Variants in CFAP221 observed in about 807,000 individuals in gnomAD.
The protein encoded by CFAP221 is cilia- and flagella-associated protein 221.
In CFAP221, 97 loss-of-function variants were observed where a neutral mutation model predicts 113.1. The observed-to-expected ratio is 0.86, with a 90% CI of 0.73 to 1.02. The LOEUF (loss-of-function observed/expected upper bound fraction) is 1.02. CFAP221 is among the 50% of genes least tolerant of loss of function. CFAP221 has a pLI of 0.00. For missense variants in CFAP221, 1,025 were observed against 1,013.4 expected, an observed-to-expected ratio of 1.01 and a Z score of -0.16; for synonymous variants, 331 against 354.4, an observed-to-expected ratio of 0.93 and a Z score of 0.74.
chr2:119,617,711 C>A (rs1190511469), intron 14 of CFAP221, among the ~76,000 whole-genome samples: 1 of 152,238 alleles, frequency 6.6e-6, no homozygotes, highest in East Asian at 1.9e-4. Flanking sequence ...GCCACAGGTT[C>A]CCCTACATCC....
intron 14 of CFAP221, among the ~76,000 whole-genome samples, chr2:119,619,966 C>T (rs1239351191): frequency 6.6e-6 from 1 of 151,862 alleles, no homozygotes; most frequent in Admixed American, 6.6e-5. Flanking sequence ...AGAGCCAAAT[C>T]GATCAAGTGG....
At chr2:119,611,783 C>T in intron 13 of CFAP221, 41 bp downstream of exon 13, 3 of 1,431,072 alleles carry the variant, frequency 2.1e-6, no homozygotes, top group Non-Finnish European at 2.9e-6. Context: ...TTATTGGCAG[C>T]TCTTTAAATG....
At chr2:119,551,953 C>T (rs1289254335) in intron 3 of CFAP221, among the ~76,000 whole-genome samples, 2 of 152,100 alleles carry the variant, frequency 1.3e-5, no homozygotes, top group African/African-American at 2.4e-5. Flanking sequence ...AAGAGGAGGG[C>T]TCACCTTCCT....
intron 6 of CFAP221, among the ~76,000 whole-genome samples, chr2:119,573,719 C>T (rs184219902): frequency 9.4e-4 from 143 of 152,202 alleles, no homozygotes; most frequent in Admixed American, 1.8e-3. Context: ...TTTTAAAAAG[C>T]CTAAATGTTT....
At chr2:119,608,769 T>G (rs1193001767) in intron 12 of CFAP221, among the ~76,000 whole-genome samples, 180 bp downstream of exon 12, 1 of 152,200 alleles carries the variant, frequency 6.6e-6, no homozygotes, top group Non-Finnish European at 1.5e-5. Flanking sequence ...AGACCTATAC[T>G]AAGTTTTGTG....
chr2:119,560,669 A>G (rs1229084029), intron 5 of CFAP221, among the ~76,000 whole-genome samples: 3 of 152,170 alleles, frequency 2.0e-5, no homozygotes, highest in Admixed American at 1.3e-4. Flanking sequence ...TTGATGTTTC[A>G]AAACCAAAAC....
rs573472455 is a variant in CFAP221 at position 119,624,519 on chromosome 2, G to A, written c.1411-1064G>A. 6.6e-5 allele frequency among the ~76,000 whole-genome samples: 10 copies of A among 152,186 alleles called. No individual in the cohort carries two copies. The South Asian group carries it at 2.1e-3, about 32-fold the overall frequency. ...GTTTGACCCAGCAGTCCCATTACTG[G>A]GTATATACCCAAAAGATTATAAATC... On this transcript the variant is annotated intron_variant, in intron 14 of 23. Coordinates refer to ENST00000413369, the MANE Select transcript of CFAP221 (RefSeq NM_001271049.2).
chr2:119,632,879 A>G (rs1488685010), intron 19 of CFAP221, among the ~76,000 whole-genome samples: 1 of 152,154 alleles, frequency 6.6e-6, no homozygotes, highest in African/African-American at 2.4e-5. Context: ...CAAAAGCCAT[A>G]TCATTTAACA....
intron 15 of CFAP221, among the ~76,000 whole-genome samples, chr2:119,626,524 G>A (rs1395699119): frequency 1.3e-5 from 2 of 151,934 alleles, no homozygotes; most frequent in South Asian, 2.1e-4. Context: ...CAGAGACTAG[G>A]GTAGTCATCA....
At chr2:119,635,130 C>T (rs948366886) in intron 19 of CFAP221, among the ~76,000 whole-genome samples, 1 of 152,264 alleles carries the variant, frequency 6.6e-6, no homozygotes, top group Non-Finnish European at 1.5e-5. Flanking sequence ...CAGAATAATA[C>T]ATCATTAACA....
At chr2:119,637,459 T>C (rs1343532105) in intron 19 of CFAP221, among the ~76,000 whole-genome samples, 1 of 152,146 alleles carries the variant, frequency 6.6e-6, no homozygotes, top group Non-Finnish European at 1.5e-5. Context: ...ATAAGCTAAG[T>C]GGTTTTGTGG....
intron 8 of CFAP221, 107 bp downstream of exon 8, chr2:119,601,484 T>G: frequency 2.8e-6 from 3 of 1,067,616 alleles, no homozygotes; most frequent in Non-Finnish European, 3.8e-6. Flanking sequence ...CATCAAAAAC[T>G]TATTTAAAAT....
At chr2:119,598,128 A>G (rs1219386929) in intron 7 of CFAP221, among the ~76,000 whole-genome samples, 1 of 152,188 alleles carries the variant, frequency 6.6e-6, no homozygotes, top group African/African-American at 2.4e-5. Context: ...ATCTTTGAAG[A>G]AAAAATTATT....
chr2:119,658,812 C>T (rs1388511544), downstream of CFAP221, among the ~76,000 whole-genome samples: 1 of 151,936 alleles, frequency 6.6e-6, no homozygotes, highest in East Asian at 1.9e-4. Context: ...AAAACCTCAT[C>T]TCTACTAAAA....
At chr2:119,608,270 G>T (rs1684909262) in intron 11 of CFAP221, among the ~76,000 whole-genome samples, 1 of 152,170 alleles carries the variant, frequency 6.6e-6, no homozygotes, top group African/African-American at 2.4e-5. Flanking sequence ...AGAAGGTTGA[G>T]CATCCAGATG....
At chr2:119,582,111 A>G (rs886066446) in intron 6 of CFAP221, among the ~76,000 whole-genome samples, 1 of 152,228 alleles carries the variant, frequency 6.6e-6, no homozygotes, top group African/African-American at 2.4e-5. Flanking sequence ...AAATAAGTTT[A>G]TTTACGTAAG....
chr2:119,599,042 A>G (rs988402707), intron 7 of CFAP221, among the ~76,000 whole-genome samples: 2 of 152,182 alleles, frequency 1.3e-5, no homozygotes, highest in East Asian at 1.9e-4. Flanking sequence ...GGAGAGTCAC[A>G]GTTTCTATCC....
intron 3 of CFAP221, among the ~76,000 whole-genome samples, chr2:119,550,993 C>T (rs763176981): frequency 7.9e-5 from 12 of 152,184 alleles, no homozygotes; most frequent in Non-Finnish European, 1.6e-4. Context: ...CATATGAACG[C>T]AATCATACAA....
intron 7 of CFAP221, among the ~76,000 whole-genome samples, chr2:119,597,430 T>A (rs2104650083): frequency 6.6e-6 from 1 of 152,278 alleles, no homozygotes; most frequent in Non-Finnish European, 1.5e-5. Flanking sequence ...TGCTAGAATG[T>A]GGATGATTTT....
Sources: gnomAD v4.1 joint callset for allele counts (sites outside exome capture counted in the v4.1 genomes callset) on GRCh38, gnomAD v4.1.1 for gene constraint, MANE v1.5 for transcripts, NCBI Gene and HGNC (gene_info 2026-07-23, HGNC 2026-07-21) for gene names.